Variants in MKLN1 observed in about 807,000 individuals in gnomAD.
The protein encoded by MKLN1 is muskelin 1.
Under a neutral mutation model 99.0 loss-of-function variants are expected in MKLN1, and 18 were observed. The observed-to-expected ratio is 0.18, with a 90% CI of 0.13 to 0.27. The LOEUF is 0.27. Among genes scored for constraint, MKLN1 ranks in the 10% least tolerant of loss-of-function variants. MKLN1 has a pLI of 1.00. For missense variants in MKLN1, 621 were observed against 875.9 expected, an observed-to-expected ratio of 0.71 and a Z score of 3.67; for synonymous variants, 288 against 293.2, an observed-to-expected ratio of 0.98 and a Z score of 0.18.
chr7:131,458,482 A>G (rs746567093), intron 12 of MKLN1, among the ~76,000 whole-genome samples: 3 of 152,230 alleles, frequency 2.0e-5, no homozygotes, highest in Non-Finnish European at 4.4e-5. Flanking sequence ...AAAATTGGAC[A>G]CTATATAAAT....
chr7:131,299,456 T>A (rs1293421993), intron 3 of MKLN1, among the ~76,000 whole-genome samples: 1 of 152,148 alleles, frequency 6.6e-6, no homozygotes, highest in Non-Finnish European at 1.5e-5. Context: ...TGAGCTAGAT[T>A]TTTTTCTCCT....
At chr7:131,361,841 A>G (rs1186512007) in intron 1 of MKLN1, among the ~76,000 whole-genome samples, 1 of 151,202 alleles carries the variant, frequency 6.6e-6, no homozygotes, top group Non-Finnish European at 1.5e-5. Flanking sequence ...GTTGCACCAC[A>G]CATTTATATT....
At chr7:131,322,857 A>AC (rs1401173980) in intron 3 of MKLN1, among the ~76,000 whole-genome samples, 2 of 152,120 alleles carry the variant, frequency 1.3e-5, no homozygotes, top group Non-Finnish European at 2.9e-5. Flanking sequence ...GGCGTGAGCC[A>AC]CCGCGCCCGG....
intron 12 of MKLN1, among the ~76,000 whole-genome samples, chr7:131,451,978 A>AGT (rs1291157528): frequency 6.6e-6 from 1 of 152,224 alleles, no homozygotes; most frequent in African/African-American, 2.4e-5. Context: ...CCAAATGCTA[A>AGT]GTCAAGTATT....
chr7:131,177,768 A>T (rs897691299), intron 2 of MKLN1, among the ~76,000 whole-genome samples: 5 of 152,156 alleles, frequency 3.3e-5, no homozygotes, highest in African/African-American at 1.2e-4. Context: ...TCTTTGTCAC[A>T]TTTCTATTCA....
intron 3 of MKLN1, among the ~76,000 whole-genome samples, chr7:131,282,527 C>CA (rs11378194): frequency 1 from 152,275 of 152,276 alleles, 76,137 homozygotes; most frequent in Non-Finnish European, 1. Context: ...AGAGATCTAG[C>CA]AAGTTCAGGG....
chr7:131,491,108 G>T lies in MKLN1; in HGVS notation c.*3380G>T, dbSNP rs1293609411. 1.3e-5 allele frequency: 2 copies of T among 151,994 alleles called. No homozygotes were observed. Among genetic ancestry groups the T allele is most frequent in the Non-Finnish European group, 1.5e-5 (1 of 67,998 alleles). 9.4% of individuals were successfully genotyped at this position (151,994 alleles called of 1,614,324 possible). A position where few individuals can be genotyped will look rare whatever the true frequency, so the allele number is the denominator to read the frequency against. On this transcript the variant is annotated 3_prime_UTR_variant, in exon 18 of 18. Coordinates refer to ENST00000352689, the MANE Select transcript of MKLN1 (RefSeq NM_013255.5). The stretch of plus-strand genomic sequence containing the variant: ...GGGTCATTTATTTCCTGAAAGTCAC[G>T]TGAAATCCTTAGCTGGTTGAATGTT...
intron 3 of MKLN1, among the ~76,000 whole-genome samples, chr7:131,227,519 T>TTCTTTCTTTCTTTCTTTC (rs1797173559): frequency 1.3e-5 from 2 of 148,340 alleles, no homozygotes; most frequent in Non-Finnish European, 3.0e-5. Context: ...CTTTCTTTCT[T>TTCTTTCTTTCTTTCTTTC]TCTTTCTTTC....
chr7:131,445,984 A>G (rs1187304483), intron 12 of MKLN1, 81 bp downstream of exon 12: 39 of 941,194 alleles, frequency 4.1e-5, no homozygotes, highest in Non-Finnish European at 5.6e-5. Flanking sequence ...TTTCTTTCTA[A>G]TCATTTTTCA....
At chr7:131,444,737 AG>A (rs1425124806) in intron 11 of MKLN1, among the ~76,000 whole-genome samples, 3 of 128,050 alleles carry the variant, frequency 2.3e-5, no homozygotes, top group African/African-American at 9.9e-5. Flanking sequence ...TAGTAGTAGT[AG>A]TAGTAGTAGT....
At chr7:131,295,781 A>G (rs1328193507) in intron 3 of MKLN1, among the ~76,000 whole-genome samples, 1 of 150,774 alleles carries the variant, frequency 6.6e-6, no homozygotes, top group African/African-American at 2.4e-5. Context: ...GCTTCAAGGG[A>G]GGCTGAGGCA....
chr7:131,448,360 A>C (rs1332593245), intron 12 of MKLN1, among the ~76,000 whole-genome samples: 1 of 152,232 alleles, frequency 6.6e-6, no homozygotes, highest in Admixed American at 6.5e-5. Flanking sequence ...GTAGTAATGT[A>C]CAGTATCGAC....
chr7:131,355,550 A>G (rs904486428), intron 1 of MKLN1, among the ~76,000 whole-genome samples: 1 of 150,912 alleles, frequency 6.6e-6, no homozygotes, highest in Admixed American at 6.6e-5. Flanking sequence ...TGTTGTAATT[A>G]GAGGTCTTCT....
At chr7:131,456,391 A>T (rs1320399159) in intron 12 of MKLN1, among the ~76,000 whole-genome samples, 1 of 152,204 alleles carries the variant, frequency 6.6e-6, no homozygotes, top group Non-Finnish European at 1.5e-5. Context: ...CAACCCAGAG[A>T]AATAAAATTG....
At chr7:131,183,905 G>C (rs897789053) in intron 2 of MKLN1, among the ~76,000 whole-genome samples, 4 of 151,944 alleles carry the variant, frequency 2.6e-5, no homozygotes, top group Non-Finnish European at 5.9e-5. Context: ...GTGGGAACCA[G>C]TCCTGGCCCT....
chr7:131,227,587 A>G (rs1418400758), intron 3 of MKLN1, among the ~76,000 whole-genome samples: 1 of 125,056 alleles, frequency 8.0e-6, no homozygotes, highest in African/African-American at 3.1e-5. Flanking sequence ...TTTTTTTGAG[A>G]CAGAATCTCA....
rs572306799 is a variant in MKLN1 at position 131,332,356 on chromosome 7, A to ATG, written c.98+4360_98+4361insGT. ...ATATTATTATGTTAAAAATATGTAA[A>ATG]TATATATATATTCTTTTCTTCTTTG... is the stretch of plus-strand genomic sequence containing the variant. On this transcript the variant is annotated intron_variant, in intron 1 of 17. Transcript: ENST00000352689. Among the ~76,000 whole-genome samples, 638 of 148,138 alleles carry ATG rather than the reference A, an allele frequency of 4.3e-3. 3 individuals carry two copies. The highest frequency in any genetic ancestry group is 0.013 in the African/African-American group (537 of 40,862).
At chr7:131,311,252 A>T (rs2116638742) in intron 3 of MKLN1, 2 of 152,324 alleles carry the variant, frequency 1.3e-5, no homozygotes, top group African/African-American at 4.8e-5. Context: ...TTTGAATTAT[A>T]GACAATTGTA....
chr7:131,308,885 T>C (rs1798511445), intron 3 of MKLN1, among the ~76,000 whole-genome samples: 1 of 152,144 alleles, frequency 6.6e-6, no homozygotes, highest in African/African-American at 2.4e-5. Context: ...ATGCCCAACC[T>C]AGGTAGTTCC....
Sources: allele counts gnomAD v4.1 joint callset (sites outside exome capture counted in the v4.1 genomes callset), GRCh38; gene constraint gnomAD v4.1.1; transcripts MANE v1.5; gene names NCBI Gene and HGNC (gene_info 2026-07-23, HGNC 2026-07-21).